Variants in PXDNL observed in about 807,000 individuals in gnomAD.
PXDNL encodes probable oxidoreductase PXDNL.
PXDNL carries 145 observed loss-of-function variants against 150.8 expected under a neutral mutation model. The ratio of observed to expected loss-of-function variants is 0.96; its 90% CI spans 0.84 to 1.10. The LOEUF is 1.10. PXDNL is among the 50% of genes least tolerant of loss of function. The probability of loss-of-function intolerance (pLI) is 0.00; values close to 1 mark genes in which losing one functional copy is unlikely to be tolerated. For synonymous variants in PXDNL, 757 were observed against 725.7 expected (o/e 1.04, Z -0.69); for missense variants, 2,087 against 1,873.9 (o/e 1.11, Z -2.10).
rs186082616 is a variant in PXDNL at position 51,741,917 on chromosome 8, A to T, written c.164+67264T>A. On this transcript the variant is annotated intron_variant, in intron 1 of 22. Transcript: ENST00000356297. Reference sequence around the variant, plus strand: ...TGTACTAGAGAAATGAAAACAAATTATCACAAAAATACCTTTACATAAAAG... The same window carrying T: ...TGTACTAGAGAAATGAAAACAAATTTTCACAAAAATACCTTTACATAAAAG... Among the ~76,000 whole-genome samples, 125 of 152,376 alleles carry T rather than the reference A, an allele frequency of 8.2e-4. No individual in the cohort carries two copies. In the South Asian group the frequency reaches 0.012, roughly 14 times the overall value.
intron 1 of PXDNL, among the ~76,000 whole-genome samples, chr8:51,806,918 C>T (rs1290621583): frequency 6.6e-6 from 1 of 152,172 alleles, no homozygotes; most frequent in East Asian, 1.9e-4. Context: ...CCCCACTTCC[C>T]TCAAATTGTT....
At chr8:51,744,093 G>GGAAGGAAAGAAAGAAA (rs1585716717) in intron 1 of PXDNL, among the ~76,000 whole-genome samples, 1 of 41,180 alleles carries the variant, frequency 2.4e-5, no homozygotes. Context: ...AAGGAAGGAA[G>GGAAGGAAAGAAAGAAA]GAAAGAAAGA....
chr8:51,787,614 G>T (rs1563321368), intron 1 of PXDNL, among the ~76,000 whole-genome samples: 1 of 152,192 alleles, frequency 6.6e-6, no homozygotes, highest in African/African-American at 2.4e-5. Flanking sequence ...GAACAAATGA[G>T]TTCTTGCTTC....
intron 5 of PXDNL, among the ~76,000 whole-genome samples, chr8:51,499,286 G>T (rs1811128295): frequency 6.6e-6 from 1 of 151,984 alleles, no homozygotes; most frequent in African/African-American, 2.4e-5. Flanking sequence ...TGTGCCACCA[G>T]GTCCAGCTAC....
chr8:51,331,879 C>G (rs1805700061), intron 21 of PXDNL, among the ~76,000 whole-genome samples: 1 of 152,078 alleles, frequency 6.6e-6, no homozygotes, highest in East Asian at 1.9e-4. Context: ...TAGCCCGGCC[C>G]CCAACTGATG....
At chr8:51,669,972 C>T (rs113791420) in intron 1 of PXDNL, among the ~76,000 whole-genome samples, 2,119 of 152,282 alleles carry the variant, frequency 0.014, 31 homozygotes, top group South Asian at 0.046. Context: ...CACGGTGGCT[C>T]ATGCCTGTAA....
At chr8:51,501,539 C>A (rs1181500943) in intron 4 of PXDNL, among the ~76,000 whole-genome samples, 1 of 151,974 alleles carries the variant, frequency 6.6e-6, no homozygotes, top group African/African-American at 2.4e-5. Context: ...CTCTCACATA[C>A]ACTAACACAC....
rs760770435 is a variant in PXDNL, at chr8:51,339,775, T to C, written c.4017-22A>G. ...TTGCCTATTTATAACAAGAAGCAAATAAAATGCTGAAAAATAAAAGTCGTG... is the reference window on the plus strand; with the variant it reads ...TTGCCTATTTATAACAAGAAGCAAACAAAATGCTGAAAAATAAAAGTCGTG... On this transcript the variant is annotated intron_variant, in intron 20 of 22. Coordinates refer to ENST00000356297, the MANE Select transcript of PXDNL (RefSeq NM_144651.5). The C allele has an allele frequency of 6.3e-6, 10 of 1,574,934 alleles. No homozygotes were observed. In the South Asian group the frequency reaches 7.0e-5, roughly 11 times the overall value.
intron 3 of PXDNL, among the ~76,000 whole-genome samples, chr8:51,558,072 T>C (rs1554552580): frequency 6.6e-6 from 1 of 152,164 alleles, no homozygotes; most frequent in Non-Finnish European, 1.5e-5. Context: ...TAGAACCATG[T>C]TTCTTCAAAC....
chr8:51,760,127 A>G (rs1268898355), intron 1 of PXDNL, among the ~76,000 whole-genome samples: 1 of 152,242 alleles, frequency 6.6e-6, no homozygotes, highest in African/African-American at 2.4e-5. Flanking sequence ...TCGGAAGTCC[A>G]TCAAAAACTG....
At chr8:51,623,671 G>A (rs1219110042) in intron 2 of PXDNL, among the ~76,000 whole-genome samples, 2 of 152,198 alleles carry the variant, frequency 1.3e-5, no homozygotes, top group African/African-American at 2.4e-5. Flanking sequence ...CGGCAGGACC[G>A]AGTGTGCAGA....
chr8:51,790,340 A>C (rs900226386), intron 1 of PXDNL, among the ~76,000 whole-genome samples: 2 of 152,188 alleles, frequency 1.3e-5, no homozygotes, highest in African/African-American at 2.4e-5. Context: ...TCCACCACAA[A>C]GTGAGGTACA....
intron 2 of PXDNL, among the ~76,000 whole-genome samples, chr8:51,642,221 G>A (rs1011081217): frequency 2.1e-5 from 3 of 142,092 alleles, no homozygotes; most frequent in African/African-American, 5.0e-5. Context: ...TGGAGGGAGG[G>A]GGGAGGGATA....
chr8:51,483,392 C>A (rs1375242453), intron 6 of PXDNL, among the ~76,000 whole-genome samples: 1 of 152,202 alleles, frequency 6.6e-6, no homozygotes, highest in African/African-American at 2.4e-5. Flanking sequence ...AAGGATATTA[C>A]AGAGAAACGA....
chr8:51,346,150 T>A (rs1172528238), intron 19 of PXDNL, among the ~76,000 whole-genome samples: 1 of 152,220 alleles, frequency 6.6e-6, no homozygotes, highest in African/African-American at 2.4e-5. Flanking sequence ...TCACTGAATC[T>A]CTGTTTTGCA....
Position 51,408,658 on chromosome 8 carries a change from T to A in PXDNL, c.2966A>T (p.Asn989Ile). 6.2e-7 allele frequency: 1 copy of A among 1,604,568 alleles called. No individual in the cohort carries two copies. The highest frequency in any genetic ancestry group is 8.5e-7 in the Non-Finnish European group (1 of 1,175,390). The part of the protein sequence containing the change: ...NRMATELSAL[N>I]PHWEGNTVYQ... Reference sequence around the variant, plus strand: ...AACCGTGTTTCCCTCCCAGTGGGGGTTCAGGGCGGACAGCTCCGTGGCCAT... The same window carrying A: ...AACCGTGTTTCCCTCCCAGTGGGGGATCAGGGCGGACAGCTCCGTGGCCAT... Residue 989 changes from asparagine (N) to isoleucine (I), a missense_variant, in exon 17 of 23, where the codon AAC (asparagine) becomes ATC (isoleucine). Physicochemically the swap from Asn to Ile is moderately radical, Grantham distance 149. Transcript: ENST00000356297.
intron 1 of PXDNL, among the ~76,000 whole-genome samples, chr8:51,696,580 C>T (rs1240209347): frequency 2.7e-5 from 4 of 149,688 alleles, no homozygotes; most frequent in African/African-American, 9.9e-5. Flanking sequence ...CTAGACACAA[C>T]TCAAGGCCCA....
At chr8:51,659,081 C>G (rs920776164) in intron 1 of PXDNL, among the ~76,000 whole-genome samples, 1 of 152,252 alleles carries the variant, frequency 6.6e-6, no homozygotes, top group South Asian at 2.1e-4. Flanking sequence ...TAAAACTTCC[C>G]TTAGCCTAAA....
At chr8:51,418,925 G>A (rs1276424880) in intron 14 of PXDNL, among the ~76,000 whole-genome samples, 3 of 152,034 alleles carry the variant, frequency 2.0e-5, no homozygotes, top group Non-Finnish European at 4.4e-5. Context: ...GAAGAGAAGT[G>A]GAAAAGAAGC....
Sources: gnomAD v4.1 joint callset for allele counts (sites outside exome capture counted in the v4.1 genomes callset) on GRCh38, gnomAD v4.1.1 for gene constraint, MANE v1.5 for transcripts, NCBI Gene and HGNC (gene_info 2026-07-23, HGNC 2026-07-21) for gene names.